UPF3A: variants seen among roughly 807,000 people sequenced by gnomAD.
The protein encoded by UPF3A is regulator of nonsense transcripts 3A.
Under a neutral mutation model 53.5 loss-of-function variants are expected in UPF3A, and 42 were observed. The observed-to-expected ratio is 0.78, with a 90% CI of 0.61 to 1.01. The LOEUF is 1.01. Ranked by LOEUF, UPF3A falls within the 50% of genes least tolerant of loss-of-function variation. The pLI is 0.00. For missense variants in UPF3A, 575 were observed against 598.0 expected, an observed-to-expected ratio of 0.96 and a Z score of 0.40; for synonymous variants, 237 against 225.3, an observed-to-expected ratio of 1.05 and a Z score of -0.47.
At chr13:114,284,617 T>G (rs1566727776) in intron 3 of UPF3A, among the ~76,000 whole-genome samples, 1 of 151,866 alleles carries the variant, frequency 6.6e-6, no homozygotes, top group Non-Finnish European at 1.5e-5. Context: ...GAGACTCACT[T>G]GAACCCGGGA....
At chr13:114,297,461 T>C (rs2086160033) in intron 7 of UPF3A, among the ~76,000 whole-genome samples, 1 of 152,192 alleles carries the variant, frequency 6.6e-6, no homozygotes, top group Non-Finnish European at 1.5e-5. Flanking sequence ...ATTACAAAAC[T>C]AATACTTGTC....
In UPF3A at chr13:114,299,004, A is replaced by G. The variant is rs1435009705; in HGVS notation, c.1007+4A>G. On this transcript the variant is annotated splice_donor_region_variant and intron_variant, in intron 8 of 9. Coordinates refer to ENST00000375299, the MANE Select transcript of UPF3A (RefSeq NM_023011.4). ...CGCTGGAGGAGCCCCAGGAGACGTGAGCGTGCTTTCATTGTTATGACCACG... is the reference window on the plus strand; with the variant it reads ...CGCTGGAGGAGCCCCAGGAGACGTGGGCGTGCTTTCATTGTTATGACCACG... 6.3e-7 allele frequency: 1 copy of G among 1,593,002 alleles called. No homozygotes were observed. Among genetic ancestry groups the G allele is most frequent in the Non-Finnish European group, 8.5e-7 (1 of 1,172,922 alleles).
In UPF3A at chr13:114,282,464, C is replaced by T. The variant is rs1471361801; in HGVS notation, c.314+337C>T. The T allele has an allele frequency of 3.0e-6, 3 of 985,442 alleles. No homozygotes were observed. The African/African-American group carries it at 5.2e-5, about 17-fold the overall frequency. The allele number at this position is 985,442 out of a possible 1,614,324, so 61.0% of individuals were successfully genotyped here. On this transcript the variant is annotated intron_variant, in intron 2 of 9. Transcript: ENST00000375299. ...CGGGGCGCTGCGGGGCCGGGGGGCG[C>T]CGGCTCTTCCTGTGGCCTCCACGCT...
rs1244123053 is a variant in UPF3A at position 114,305,735 on chromosome 13, G to A, written c.*818G>A. 1 of 152,166 alleles carries A rather than the reference G, an allele frequency of 6.6e-6. No individual in the cohort carries two copies. The highest frequency in any genetic ancestry group is 2.4e-5 in the African/African-American group (1 of 41,442). The allele number at this position is 152,166 out of a possible 1,614,324, so 9.4% of individuals were successfully genotyped here. A position where few individuals can be genotyped will look rare whatever the true frequency, so the allele number is the denominator to read the frequency against. ...CATTCTGTAGTTTCTTCCTTTCAGT[G>A]AAATTGCTAAATGTCAATGTATTTT... On this transcript the variant is annotated 3_prime_UTR_variant, in exon 10 of 10. Transcript: ENST00000375299.
chr13:114,288,879 G>C (rs1385225450), intron 5 of UPF3A, among the ~76,000 whole-genome samples: 2 of 152,296 alleles, frequency 1.3e-5, no homozygotes, highest in Admixed American at 1.3e-4. Context: ...ATAAATTGAA[G>C]AAGAGCTAGA....
rs1024227412 is a variant in UPF3A at position 114,301,503 on chromosome 13, CCTAT to C, written c.1008-225_1008-222del. On this transcript the variant is annotated intron_variant, in intron 8 of 9. Coordinates refer to ENST00000375299, the MANE Select transcript of UPF3A (RefSeq NM_023011.4). ...AAGTACCTTAGTATAAGGCATATTG[CCTAT>C]CTGTCACTCAACTGAAATGACAGAT... Among the ~76,000 whole-genome samples, 6 of 151,858 alleles carry C rather than the reference CCTAT, an allele frequency of 4.0e-5. No individual in the cohort carries two copies. In the South Asian group the frequency reaches 8.3e-4, roughly 21 times the overall value.
intron 7 of UPF3A, among the ~76,000 whole-genome samples, chr13:114,294,980 C>T (rs572189780): frequency 1.2e-4 from 18 of 151,692 alleles, no homozygotes; most frequent in East Asian, 1.9e-4. Flanking sequence ...GGCGTGGTGG[C>T]GGGAGCCTGT....
chr13:114,290,425 C>T (rs2085156034), intron 5 of UPF3A, among the ~76,000 whole-genome samples: 2 of 152,196 alleles, frequency 1.3e-5, no homozygotes, highest in South Asian at 4.1e-4. Flanking sequence ...TCCAGGGATT[C>T]TTCCCAGCCC....
At chr13:114,286,939 T>A in intron 5 of UPF3A, 1 of 254,850 alleles carries the variant, frequency 3.9e-6, no homozygotes, top group Non-Finnish European at 7.6e-6. Flanking sequence ...AGGCATGTTG[T>A]GTCACATAGT....
chr13:114,288,315 G>A (rs994976284), intron 5 of UPF3A, among the ~76,000 whole-genome samples: 1 of 152,212 alleles, frequency 6.6e-6, no homozygotes, highest in African/African-American at 2.4e-5. Context: ...GTGACAAAGT[G>A]GAATATGGGA....
At chr13:114,296,916 T>C (rs2086094136) in intron 7 of UPF3A, among the ~76,000 whole-genome samples, 1 of 152,216 alleles carries the variant, frequency 6.6e-6, no homozygotes, top group Non-Finnish European at 1.5e-5. Flanking sequence ...GGTTCACATT[T>C]ATTACAGACA....
At chr13:114,286,816 C>T (rs184058809) in intron 5 of UPF3A, 187 bp downstream of exon 5, 805 of 595,560 alleles carry the variant, frequency 1.4e-3, no homozygotes, top group Non-Finnish European at 1.5e-3. Flanking sequence ...TATTTCTGAG[C>T]GTTGGTTGAT....
chr13:114,299,592 A>G (rs1470833095), intron 8 of UPF3A, among the ~76,000 whole-genome samples: 1 of 152,158 alleles, frequency 6.6e-6, no homozygotes, highest in Non-Finnish European at 1.5e-5. Flanking sequence ...TTTGCTGCAT[A>G]TGACAGTGCA....
At chr13:114,297,674 C>T (rs2086178905) in intron 7 of UPF3A, among the ~76,000 whole-genome samples, 2 of 152,016 alleles carry the variant, frequency 1.3e-5, no homozygotes, top group South Asian at 4.1e-4. Context: ...ACTAAAAATA[C>T]AAAAATTAGC....
chr13:114,291,577 C>T (rs1165456310), intron 6 of UPF3A, 33 bp downstream of exon 6: 7 of 1,604,326 alleles, frequency 4.4e-6, no homozygotes, highest in Non-Finnish European at 5.9e-6. Context: ...GAACACCCTC[C>T]CTGCTTCTGC....
rs369533908 is a variant in UPF3A at position 114,291,619 on chromosome 13, C to G, written c.688-15C>G. The G allele has an allele frequency of 1.9e-6, 3 of 1,604,924 alleles. No homozygotes were observed. Among genetic ancestry groups the G allele is most frequent in the African/African-American group, 1.3e-5 (1 of 74,166 alleles). ...CATCCAGGCAGTTTATACACACGCT[C>G]TTCCATGTCTTTAGAGAATTCGAGA... On this transcript the variant is annotated splice_polypyrimidine_tract_variant and intron_variant, in intron 6 of 9. Coordinates refer to ENST00000375299, the MANE Select transcript of UPF3A (RefSeq NM_023011.4).
intron 7 of UPF3A, 55 bp from the exon 8 acceptor site, chr13:114,298,785 C>A: frequency 7.3e-7 from 1 of 1,372,658 alleles, no homozygotes; most frequent in Non-Finnish European, 9.5e-7. Context: ...TATTTAACAG[C>A]TTCTTTTAAA....
At chr13:114,299,807 C>T (rs1349222765) in intron 8 of UPF3A, among the ~76,000 whole-genome samples, 1 of 152,242 alleles carries the variant, frequency 6.6e-6, no homozygotes, top group Non-Finnish European at 1.5e-5. Context: ...CCACAGTCTC[C>T]TGGTGCCCAG....
chr13:114,299,097 A>G, intron 8 of UPF3A, 97 bp downstream of exon 8: 1 of 1,275,530 alleles, frequency 7.8e-7, no homozygotes, highest in Non-Finnish European at 1.0e-6. Context: ...TGTTCTTGGA[A>G]TCCAAGACTT....
Sources: allele counts gnomAD v4.1 joint callset (sites outside exome capture counted in the v4.1 genomes callset), GRCh38; gene constraint gnomAD v4.1.1; transcripts MANE v1.5; gene names NCBI Gene and HGNC (gene_info 2026-07-23, HGNC 2026-07-21).